Variants in PPP2R1B observed in about 807,000 individuals in gnomAD.
The protein encoded by PPP2R1B is serine/threonine-protein phosphatase 2A 65 kDa regulatory subunit A beta isoform.
PPP2R1B carries 58 observed loss-of-function variants against 72.7 expected under a neutral mutation model. The observed-to-expected ratio is 0.80, with a 90% CI of 0.65 to 0.99. The LOEUF (loss-of-function observed/expected upper bound fraction) is 0.99. Among genes scored for constraint, PPP2R1B ranks in the 50% least tolerant of loss-of-function variants. The pLI is 0.00. For missense variants in PPP2R1B, 695 were observed against 733.6 expected (o/e 0.95, Z 0.61); for synonymous variants, 256 against 264.6 (o/e 0.97, Z 0.32).
chr11:111,743,558 CATATCGCTTATTGTTTTTT>C, intron 11 of PPP2R1B, 28 bp from the exon 12 acceptor site: 1 of 1,582,298 alleles, frequency 6.3e-7, no homozygotes, highest in East Asian at 2.3e-5. Flanking sequence ...AACATGTTCT[CATATCGCTTATTGTTTTTT>C]AAGCATAACC....
rs1555052851 is a variant in PPP2R1B, at chr11:111,765,775, G to C, written c.115-391C>G. ...ATACACTACTCGTCCAGATTAATCGGCCATCCCACCCCCGCTTTCTACCCA... is the reference window on the plus strand; with the variant it reads ...ATACACTACTCGTCCAGATTAATCGCCCATCCCACCCCCGCTTTCTACCCA... On this transcript the variant is annotated intron_variant, in intron 1 of 14. Transcript: ENST00000527614. 1.1e-5 allele frequency: 5 copies of C among 475,906 alleles called. No homozygotes were observed. The Admixed American group carries it at 1.2e-4, about 11-fold the overall frequency. The allele number at this position is 475,906 out of a possible 1,614,324, so 29.5% of individuals were successfully genotyped here.
intron 7 of PPP2R1B, 151 bp from the exon 8 acceptor site, chr11:111,754,720 G>A (rs782141431): frequency 1.2e-4 from 160 of 1,375,340 alleles, no homozygotes; most frequent in Non-Finnish European, 1.5e-4. Flanking sequence ...AAACTTTTTC[G>A]TGAACTCTCT....
At chr11:111,706,011 T>TCAGTGTGGTGGTTAGAAG in the PPP2R1B span, among the ~76,000 whole-genome samples, 1 of 152,196 alleles carries the variant, frequency 6.6e-6, no homozygotes, top group Non-Finnish European at 1.5e-5. Flanking sequence ...GAGAGGCAGC[T>TCAGTGTGGTGGTTAGAAG]CAGTGTGGTG....
chr11:111,688,792 T>G, the PPP2R1B span, among the ~76,000 whole-genome samples: 704 of 152,338 alleles, frequency 4.6e-3, 10 homozygotes, highest in African/African-American at 0.016. The surrounding 1 kb of genome is among the most constrained non-coding windows in gnomAD (Gnocchi z 4.2). Flanking sequence ...TCAGGTACTG[T>G]GCTATGTTAA....
the PPP2R1B span, among the ~76,000 whole-genome samples, chr11:111,694,663 T>C: frequency 6.6e-6 from 1 of 152,244 alleles, no homozygotes; most frequent in Non-Finnish European, 1.5e-5. Context: ...GTTATCCTTC[T>C]GCCACTAGCA....
the PPP2R1B span, among the ~76,000 whole-genome samples, chr11:111,698,850 C>T: frequency 2.0e-5 from 3 of 152,216 alleles, no homozygotes; most frequent in Non-Finnish European, 4.4e-5. Flanking sequence ...TCTCTGAACA[C>T]ACATCCGAGA....
At chr11:111,692,435 G>T in the PPP2R1B span, among the ~76,000 whole-genome samples, 4 of 147,780 alleles carry the variant, frequency 2.7e-5, no homozygotes, top group African/African-American at 1.0e-4. Context: ...CGAGGCTGGG[G>T]TATCTGCCTC....
chr11:111,690,956 G>T, the PPP2R1B span, among the ~76,000 whole-genome samples: 1 of 152,170 alleles, frequency 6.6e-6, no homozygotes, highest in African/African-American at 2.4e-5. Context: ...TTTAGGCAGA[G>T]AAAGGTTATA....
chr11:111,720,092 C>T, the PPP2R1B span: 2 of 1,297,586 alleles, frequency 1.5e-6, no homozygotes, highest in South Asian at 2.6e-5. Flanking sequence ...CCAGCCAACA[C>T]CTAAAATTGA....
At chr11:111,693,356 A>G in the PPP2R1B span, among the ~76,000 whole-genome samples, 2 of 151,850 alleles carry the variant, frequency 1.3e-5, no homozygotes, top group Non-Finnish European at 1.5e-5. Context: ...AACTTGAGAC[A>G]CTAATGAGCC....
chr11:111,739,613 A>G lies in PPP2R1B; in HGVS notation c.*1983T>C, dbSNP rs1010261834. On this transcript the variant is annotated 3_prime_UTR_variant, in exon 15 of 15. Transcript: ENST00000527614. ...CTTAGGGCTCCTCACTGGGAGACAC[A>G]AGGGCATTTTAAAAGTCTGTCCCCA... is the stretch of plus-strand genomic sequence containing the variant. 1.7e-5 allele frequency: 17 copies of G among 985,304 alleles called. No homozygotes were observed. The highest frequency in any genetic ancestry group is 1.8e-5 in the Non-Finnish European group (15 of 829,940). 61.0% of individuals were successfully genotyped at this position (985,304 alleles called of 1,614,324 possible).
intron 11 of PPP2R1B, among the ~76,000 whole-genome samples, chr11:111,747,696 T>C (rs1166958932): frequency 1.3e-5 from 2 of 152,214 alleles, no homozygotes; most frequent in Non-Finnish European, 2.9e-5. Context: ...ATAAAAGAGA[T>C]GGTCTGAAGA....
At chr11:111,724,567 T>C (rs1035800067), downstream of PPP2R1B, 8 of 166,520 alleles carry the variant, frequency 4.8e-5, no homozygotes, top group African/African-American at 1.9e-4. Flanking sequence ...CAACCACATA[T>C]TGCTACAAGG....
rs1047400 is a variant in PPP2R1B, at chr11:111,729,947, T to C, written c.1912-2890A>G. On this transcript the variant is annotated intron_variant, in intron 15 of 15. Coordinates refer to the PPP2R1B transcript ENST00000311129. Reference sequence around the variant, plus strand: ...CAGCAGTTTCCTACAGAACACCCCCTTCCTCAATTGCCAAGGGGCCGCATC... The same window carrying C: ...CAGCAGTTTCCTACAGAACACCCCCCTCCTCAATTGCCAAGGGGCCGCATC... The C allele has an allele frequency of 7.7e-3, 1,181 of 152,422 alleles. 10 individuals are homozygous for C. The highest frequency in any genetic ancestry group is 0.054 in the Middle Eastern group (16 of 294). The allele number at this position is 152,422 out of a possible 1,614,324, so 9.4% of individuals were successfully genotyped here.
At chr11:111,755,260 T>C (rs782037105) in intron 6 of PPP2R1B, 35 bp downstream of exon 6, 53 of 1,573,860 alleles carry the variant, frequency 3.4e-5, no homozygotes, top group Non-Finnish European at 4.4e-5. Context: ...TGTTTTCAGG[T>C]TTATTTCCTT....
downstream of PPP2R1B, chr11:111,723,970 G>A (rs769532950): frequency 2.5e-6 from 4 of 1,614,152 alleles, no homozygotes; most frequent in South Asian, 4.4e-5. Context: ...GAGCCCAGCA[G>A]AGCGACCTAA....
In PPP2R1B at chr11:111,748,026, G is replaced by C; in HGVS notation, c.1339-12C>G. The C allele has an allele frequency of 6.2e-7, 1 of 1,609,864 alleles. No individual in the cohort carries two copies. Among genetic ancestry groups the C allele is most frequent in the Non-Finnish European group, 8.5e-7 (1 of 1,177,964 alleles). ...AAGAATTCCACACCCTACAGATACAGAAGATTCCATTAACATACATTGCCA... is the reference window on the plus strand; with the variant it reads ...AAGAATTCCACACCCTACAGATACACAAGATTCCATTAACATACATTGCCA... On this transcript the variant is annotated splice_polypyrimidine_tract_variant and intron_variant, in intron 10 of 14. Coordinates refer to ENST00000527614, the MANE Select transcript of PPP2R1B (RefSeq NM_002716.5).
At chr11:111,727,419 G>A (rs1944009298) in intron 15 of PPP2R1B, 1 of 255,138 alleles carries the variant, frequency 3.9e-6, no homozygotes, top group Non-Finnish European at 7.6e-6. Flanking sequence ...TCAGTGGTTG[G>A]GACAGACAGG....
chr11:111,720,083 C>A, the PPP2R1B span: 1 of 1,349,200 alleles, frequency 7.4e-7, no homozygotes, highest in Non-Finnish European at 1.0e-6. Context: ...GTCACGATGC[C>A]AGCCAACACC....
Sources: gnomAD v4.1 joint callset for allele counts (sites outside exome capture counted in the v4.1 genomes callset) on GRCh38, gnomAD v4.1.1 for gene constraint, Gnocchi (gnomAD v3.1) non-coding constraint, MANE v1.5 for transcripts, NCBI Gene and HGNC (gene_info 2026-07-23, HGNC 2026-07-21) for gene names.